DPP10: variants seen among roughly 807,000 people sequenced by gnomAD.
DPP10 encodes dipeptidyl peptidase like 10.
DPP10 carries 33 observed loss-of-function variants against 120.9 expected under a neutral mutation model. The observed-to-expected ratio is 0.27, with a 90% CI of 0.21 to 0.37. The LOEUF is 0.37. DPP10 is among the 10% of genes least tolerant of loss of function. DPP10 has a pLI of 1.00. For missense variants in DPP10, 816 were observed against 942.8 expected, an observed-to-expected ratio of 0.87 and a Z score of 1.76; for synonymous variants, 337 against 326.1, an observed-to-expected ratio of 1.03 and a Z score of -0.36.
At chr2:114,557,698 A>G (rs1303442822) in intron 1 of DPP10, among the ~76,000 whole-genome samples, 1 of 152,214 alleles carries the variant, frequency 6.6e-6, no homozygotes, top group African/African-American at 2.4e-5. Flanking sequence ...GAAATAAGTT[A>G]TCATGGATAT....
chr2:115,223,654 C>T (rs972517204), intron 1 of DPP10, among the ~76,000 whole-genome samples: 4 of 151,834 alleles, frequency 2.6e-5, no homozygotes, highest in African/African-American at 4.8e-5. Flanking sequence ...AACGAGTAAA[C>T]GAAAATGCAG....
intron 1 of DPP10, among the ~76,000 whole-genome samples, chr2:115,102,316 CATCATTTTTAGGGT>C (rs2048729285): frequency 6.6e-6 from 1 of 152,152 alleles, no homozygotes; most frequent in African/African-American, 2.4e-5. Context: ...CTCCAAATAC[CATCATTTTTAGGGT>C]TAGAGTTTCA....
At chr2:115,823,189 T>G (rs925277468) in intron 21 of DPP10, among the ~76,000 whole-genome samples, 13 of 152,130 alleles carry the variant, frequency 8.5e-5, no homozygotes, top group Admixed American at 1.3e-4. Flanking sequence ...TCTTGGAATT[T>G]TATCTATGGG....
chr2:114,556,156 G>T (rs1273040025), intron 1 of DPP10, among the ~76,000 whole-genome samples: 1 of 150,112 alleles, frequency 6.7e-6, no homozygotes, highest in Non-Finnish European at 1.5e-5. Flanking sequence ...TGAGGGAGCT[G>T]CTACAGAGGT....
At chr2:114,640,066 T>G (rs1247959150) in intron 1 of DPP10, among the ~76,000 whole-genome samples, 1 of 151,958 alleles carries the variant, frequency 6.6e-6, no homozygotes, top group Non-Finnish European at 1.5e-5. Context: ...AACATTGGAT[T>G]GTGCAAAATG....
intron 1 of DPP10, among the ~76,000 whole-genome samples, chr2:114,555,985 C>T (rs1041624408): frequency 2.0e-5 from 3 of 151,976 alleles, no homozygotes; most frequent in Non-Finnish European, 4.4e-5. Flanking sequence ...GGAGCCAGAT[C>T]ATCAAGCCTT....
chr2:115,524,463 A>G (rs2078008304), intron 4 of DPP10, among the ~76,000 whole-genome samples: 1 of 152,090 alleles, frequency 6.6e-6, no homozygotes, highest in African/African-American at 2.4e-5. Flanking sequence ...TTCTCTTTGG[A>G]CTGGGGTACA....
At chr2:114,452,298 T>C (rs1172393023) in intron 1 of DPP10, among the ~76,000 whole-genome samples, 24 of 152,174 alleles carry the variant, frequency 1.6e-4, no homozygotes, top group Admixed American at 1.6e-3. Context: ...TCTGATTACA[T>C]ATCCTATATG....
intron 3 of DPP10, among the ~76,000 whole-genome samples, chr2:115,366,137 A>C (rs758456184): frequency 5.3e-5 from 8 of 151,934 alleles, no homozygotes; most frequent in Non-Finnish European, 1.2e-4. Flanking sequence ...TATATTATTG[A>C]AATAATATTT....
intron 3 of DPP10, among the ~76,000 whole-genome samples, chr2:115,436,836 A>G (rs2071541511): frequency 6.6e-6 from 1 of 151,912 alleles, no homozygotes; most frequent in Admixed American, 6.6e-5. Flanking sequence ...ATTGGGATAT[A>G]TATATGAGGC....
At chr2:115,191,161 A>G (rs1055279518) in intron 1 of DPP10, among the ~76,000 whole-genome samples, 4 of 152,190 alleles carry the variant, frequency 2.6e-5, no homozygotes, top group Non-Finnish European at 5.9e-5. Context: ...TTATCTGACC[A>G]CGGGGAGGGC....
rs182566570 is a variant in DPP10 at position 115,331,670 on chromosome 2, A to G, written c.176-12147A>G. 3.9e-5 allele frequency among the ~76,000 whole-genome samples: 6 copies of G among 152,248 alleles called. No homozygotes were observed. In the East Asian group the frequency reaches 7.7e-4, roughly 20 times the overall value. ...TTTGTCAAAGGCCTTTTCTGCATCT[A>G]TTGAGATAATCATATGGTTTTTGTC... On this transcript the variant is annotated intron_variant, in intron 2 of 25. Transcript: ENST00000410059.
chr2:115,236,141 T>A (rs1236476907), intron 1 of DPP10, among the ~76,000 whole-genome samples: 1 of 152,222 alleles, frequency 6.6e-6, no homozygotes, highest in Non-Finnish European at 1.5e-5. Context: ...TAAGGAGTTC[T>A]TTTTGCGTGT....
At chr2:114,898,553 A>C (rs1212802424) in intron 1 of DPP10, among the ~76,000 whole-genome samples, 1 of 152,200 alleles carries the variant, frequency 6.6e-6, no homozygotes, top group Non-Finnish European at 1.5e-5. Flanking sequence ...GTATAGTTTC[A>C]GGGCTTGGAA....
intron 1 of DPP10, among the ~76,000 whole-genome samples, chr2:115,211,664 C>T (rs754475172): frequency 4.6e-5 from 7 of 151,914 alleles, no homozygotes; most frequent in East Asian, 1.9e-4. Context: ...AAGATGCTAA[C>T]GGTCCTTTTT....
At position 114,640,706 on chromosome 2, in the gene DPP10, T is replaced by C. The variant is rs886887554; in HGVS notation, c.60+197868T>C. 2.6e-4 allele frequency among the ~76,000 whole-genome samples: 40 copies of C among 151,908 alleles called. 1 individual carries two copies. The highest frequency in any genetic ancestry group is 9.2e-4 in the African/African-American group (38 of 41,160). On this transcript the variant is annotated intron_variant, in intron 1 of 25. Coordinates refer to ENST00000410059, the MANE Select transcript of DPP10 (RefSeq NM_020868.6). ...CCAGCTTTGATTGTCTTTCTACCAG[T>C]CAACCACGCAAAGAAGGAGGGAGAA...
intron 1 of DPP10, among the ~76,000 whole-genome samples, chr2:115,051,094 T>C (rs1179714005): frequency 6.6e-6 from 1 of 152,150 alleles, no homozygotes. Context: ...ACAACAGGCA[T>C]TAGACGTGCC....
Position 114,669,571 on chromosome 2 carries a change from A to G in DPP10, c.60+226733A>G, listed in dbSNP as rs144616599. 2.2e-4 allele frequency among the ~76,000 whole-genome samples: 33 copies of G among 152,248 alleles called. 1 individual carries two copies. The highest frequency in any genetic ancestry group is 7.9e-4 in the African/African-American group (33 of 41,554). On this transcript the variant is annotated intron_variant, in intron 1 of 25. Transcript: ENST00000410059. ...AATTGATGGCACCCTAATAAGGAAT[A>G]GCAATTTTCATGTAAATAATTTTAT...
At chr2:115,514,770 A>C (rs2077411684) in intron 4 of DPP10, among the ~76,000 whole-genome samples, 1 of 151,826 alleles carries the variant, frequency 6.6e-6, no homozygotes. Context: ...TCATCACAGA[A>C]ATTTCTGTTA....
Sources: allele counts gnomAD v4.1 joint callset (sites outside exome capture counted in the v4.1 genomes callset), GRCh38; gene constraint gnomAD v4.1.1; transcripts MANE v1.5; gene names NCBI Gene and HGNC (gene_info 2026-07-23, HGNC 2026-07-21).